Variants in FAM110B observed in about 807,000 individuals in gnomAD.
The protein encoded by FAM110B is family with sequence similarity 110 member B, also known as protein FAM110B.
Under a neutral mutation model 20.4 loss-of-function variants are expected in FAM110B, and 6 were observed. The ratio of observed to expected loss-of-function variants is 0.29; its 90% confidence interval spans 0.16 to 0.58. The LOEUF (loss-of-function observed/expected upper bound fraction) is 0.58. Ranked by LOEUF, FAM110B falls within the 20% of genes least tolerant of loss-of-function variation. FAM110B has a pLI of 0.90. For synonymous variants in FAM110B, 226 were observed against 214.1 expected, an observed-to-expected ratio of 1.06 and a Z score of -0.49; for missense variants, 434 against 498.2, an observed-to-expected ratio of 0.87 and a Z score of 1.23.
chr8:58,092,171 C>T (rs1806497071), intron 3 of FAM110B, among the ~76,000 whole-genome samples: 1 of 152,058 alleles, frequency 6.6e-6, no homozygotes, highest in South Asian at 2.1e-4. Context: ...TTTATTTATT[C>T]ATATTTTGCT....
chr8:58,101,359 A>G (rs547270726), intron 3 of FAM110B, among the ~76,000 whole-genome samples: 1 of 152,306 alleles, frequency 6.6e-6, no homozygotes, highest in East Asian at 1.9e-4. Context: ...CCAAGCTCCA[A>G]AAAGCAGTCT....
chr8:58,107,819 A>T (rs1806958687), intron 3 of FAM110B, among the ~76,000 whole-genome samples: 1 of 152,234 alleles, frequency 6.6e-6, no homozygotes, highest in Admixed American at 6.5e-5. Context: ...GAGGGGCCTC[A>T]TTCTGACAGC....
chr8:58,023,566 A>G (rs1214324196), intron 1 of FAM110B, among the ~76,000 whole-genome samples: 5 of 152,214 alleles, frequency 3.3e-5, no homozygotes, highest in Admixed American at 2.6e-4. Context: ...CCTGCCTAGA[A>G]TAGCATGGTA....
At chr8:58,046,054 C>G (rs950749917) in intron 2 of FAM110B, among the ~76,000 whole-genome samples, 1 of 152,072 alleles carries the variant, frequency 6.6e-6, no homozygotes, top group Non-Finnish European at 1.5e-5. Context: ...CCTTTGTATC[C>G]TAATCATCTC....
chr8:57,996,516 G>T (rs1400495317), intron 1 of FAM110B, among the ~76,000 whole-genome samples: 1 of 152,176 alleles, frequency 6.6e-6, no homozygotes, highest in African/African-American at 2.4e-5. Context: ...CTTATGCATG[G>T]TGAGGGTTGA....
intron 3 of FAM110B, among the ~76,000 whole-genome samples, chr8:58,125,821 G>C (rs1807487259): frequency 6.6e-6 from 1 of 152,090 alleles, no homozygotes; most frequent in Admixed American, 6.5e-5. Flanking sequence ...TCTTCCCCCA[G>C]CTGTTTTCTT....
chr8:58,137,891 T>C (rs958221249), intron 3 of FAM110B, among the ~76,000 whole-genome samples: 4 of 152,246 alleles, frequency 2.6e-5, no homozygotes, highest in Non-Finnish European at 4.4e-5. Flanking sequence ...GGAAGAGTGC[T>C]GCCTCACATC....
chr8:58,106,565 A>G (rs545311735), intron 3 of FAM110B, among the ~76,000 whole-genome samples: 51 of 152,338 alleles, frequency 3.3e-4, no homozygotes, highest in African/African-American at 1.2e-3. Context: ...GGATAGGCCA[A>G]CAGGAACCCA....
chr8:58,045,231 T>C (rs1805295813), intron 2 of FAM110B, among the ~76,000 whole-genome samples: 1 of 152,148 alleles, frequency 6.6e-6, no homozygotes, highest in Admixed American at 6.5e-5. Context: ...GCTGTGTGCA[T>C]CAGCAGTCAT....
intron 3 of FAM110B, among the ~76,000 whole-genome samples, chr8:58,136,767 C>G (rs1803629121): frequency 6.6e-6 from 1 of 152,086 alleles, no homozygotes; most frequent in African/African-American, 2.4e-5. Context: ...TTTTTTCTGA[C>G]TCTCTATTTC....
intron 3 of FAM110B, among the ~76,000 whole-genome samples, chr8:58,082,565 A>C (rs1046079826): frequency 6.6e-6 from 1 of 152,338 alleles, no homozygotes; most frequent in East Asian, 1.9e-4. Flanking sequence ...GATTTAAGTT[A>C]CAGTAAAATT....
intron 2 of FAM110B, among the ~76,000 whole-genome samples, chr8:58,061,877 CT>C (rs1349265930): frequency 1.3e-5 from 2 of 152,176 alleles, no homozygotes; most frequent in East Asian, 3.8e-4. Flanking sequence ...GGAATAACTT[CT>C]TTTTATTGGG....
At chr8:57,996,604 A>G (rs555422414) in intron 1 of FAM110B, among the ~76,000 whole-genome samples, 4 of 152,312 alleles carry the variant, frequency 2.6e-5, no homozygotes, top group African/African-American at 9.6e-5. Context: ...TGCCTTTCAT[A>G]AGGAGACCTG....
At chr8:58,128,847 T>A (rs1158851676) in intron 3 of FAM110B, among the ~76,000 whole-genome samples, 2 of 151,808 alleles carry the variant, frequency 1.3e-5, no homozygotes, top group Non-Finnish European at 2.9e-5. Context: ...AAGTTTTATA[T>A]TTTTTTTTCC....
At chr8:58,024,294 A>T (rs532247099) in intron 1 of FAM110B, among the ~76,000 whole-genome samples, 1 of 151,954 alleles carries the variant, frequency 6.6e-6, no homozygotes, top group Admixed American at 6.6e-5. Flanking sequence ...ATAGCATGTG[A>T]GGAGCATTAT....
At chr8:58,095,392 C>T (rs1806597278) in intron 3 of FAM110B, among the ~76,000 whole-genome samples, 1 of 152,144 alleles carries the variant, frequency 6.6e-6, no homozygotes, top group Non-Finnish European at 1.5e-5. Flanking sequence ...ATAAATTTCC[C>T]TCTAAACACT....
chr8:58,136,954 C>T (rs1341759462), intron 3 of FAM110B, among the ~76,000 whole-genome samples: 2 of 152,178 alleles, frequency 1.3e-5, no homozygotes, highest in Non-Finnish European at 2.9e-5. Flanking sequence ...CTATTTTTCT[C>T]CTACCACCAG....
At chr8:58,118,758 A>G (rs775807433) in intron 3 of FAM110B, among the ~76,000 whole-genome samples, 68 of 152,194 alleles carry the variant, frequency 4.5e-4, no homozygotes, top group Non-Finnish European at 6.5e-4. Context: ...ACAGTTTGAA[A>G]AGTACCTCAT....
chr8:58,081,086 C>T (rs1226749092), intron 3 of FAM110B, among the ~76,000 whole-genome samples: 1 of 152,228 alleles, frequency 6.6e-6, no homozygotes. Flanking sequence ...CTCGAGGGCT[C>T]ATGCCTCAGC....
Sources: allele counts gnomAD v4.1 joint callset (sites outside exome capture counted in the v4.1 genomes callset), GRCh38; gene constraint gnomAD v4.1.1; transcripts MANE v1.5; gene names NCBI Gene and HGNC (gene_info 2026-07-23, HGNC 2026-07-21).